URI1: variants seen among roughly 807,000 people sequenced by gnomAD.
URI1 encodes the protein unconventional prefoldin RPB5 interactor 1.
In URI1, 39 loss-of-function variants were observed where a neutral mutation model predicts 60.2. The observed-to-expected ratio is 0.65, with a 90% confidence interval of 0.50 to 0.85. URI1 has a LOEUF of 0.85. URI1 is among the 40% of genes least tolerant of loss of function. The pLI is 0.00. For missense variants in URI1, 691 were observed against 665.9 expected (o/e 1.04, Z -0.42); for synonymous variants, 251 against 236.8 (o/e 1.06, Z -0.55).
intron 2 of URI1, among the ~76,000 whole-genome samples, chr19:29,975,373 A>T (rs1460521334): frequency 1.3e-5 from 2 of 152,168 alleles, no homozygotes; most frequent in Admixed American, 6.5e-5. Flanking sequence ...TTAACTTTTT[A>T]AGATTTAAAT....
chr19:29,923,753 T>C lies in URI1; in HGVS notation c.62T>C (p.Leu21Ser), dbSNP rs749216097. ...TCTAAGAGGGCTCTGGCATATGCATTGGTGAGTTGAAGCTTGACAGTGTTA... is the reference window on the plus strand; with the variant it reads ...TCTAAGAGGGCTCTGGCATATGCATCGGTGAGTTGAAGCTTGACAGTGTTA... The change falls in exon 1 of 11, where the codon TTG becomes TCG. Residue 21 changes from leucine to serine, a missense_variant and splice_region_variant. Transcript: ENST00000360605. 3.9e-6 allele frequency: 6 copies of C among 1,536,624 alleles called. No individual in the cohort carries two copies. The South Asian group carries it at 7.1e-5, about 18-fold the overall frequency.
At chr19:30,012,558 T>C in intron 10 of URI1, 27 bp downstream of exon 10, 1 of 1,604,768 alleles carries the variant, frequency 6.2e-7, no homozygotes. Context: ...TTTAATTCTT[T>C]ATTTCATATA....
intron 1 of URI1, among the ~76,000 whole-genome samples, chr19:29,924,606 T>C (rs1478450305): frequency 1.3e-5 from 2 of 152,178 alleles, no homozygotes; most frequent in African/African-American, 4.8e-5. Context: ...AGCCAGGGGT[T>C]GAGCCCCAGG....
chr19:29,974,137 C>G lies in URI1; in HGVS notation c.152+2910C>G, dbSNP rs185318764. On this transcript the variant is annotated intron_variant, in intron 2 of 10. Coordinates refer to ENST00000392271, the MANE Select transcript of URI1 (RefSeq NM_003796.3). Reference sequence around the variant, plus strand: ...AGCGTTTTGACCTTGAACAATTATGCTCAGAGTCTCAGTTTTTTCTTGTAA... The same window carrying G: ...AGCGTTTTGACCTTGAACAATTATGGTCAGAGTCTCAGTTTTTTCTTGTAA... 3.1e-3 allele frequency among the ~76,000 whole-genome samples: 478 copies of G among 152,234 alleles called. 1 individual carries two copies. The highest frequency in any genetic ancestry group is 0.011 in the African/African-American group (465 of 41,550).
chr19:29,964,943 A>C (rs2055374231), intron 1 of URI1, among the ~76,000 whole-genome samples: 1 of 150,630 alleles, frequency 6.6e-6, no homozygotes, highest in Non-Finnish European at 1.5e-5. Context: ...TCTCCTCCTA[A>C]CCTGTGTGGC....
At chr19:29,954,436 T>C (rs927580802) in intron 1 of URI1, among the ~76,000 whole-genome samples, 3 of 151,760 alleles carry the variant, frequency 2.0e-5, no homozygotes, top group Non-Finnish European at 4.4e-5. Context: ...AAATCACAAC[T>C]AAATCAAAAG....
At chr19:29,974,661 A>T (rs2055499074) in intron 2 of URI1, among the ~76,000 whole-genome samples, 1 of 151,980 alleles carries the variant, frequency 6.6e-6, no homozygotes, top group Non-Finnish European at 1.5e-5. Flanking sequence ...CATGATGCTG[A>T]GATTTGAGGT....
At chr19:29,929,908 T>C (rs907310888) in intron 1 of URI1, among the ~76,000 whole-genome samples, 1 of 151,898 alleles carries the variant, frequency 6.6e-6, no homozygotes, top group African/African-American at 2.4e-5. Context: ...TCTCGTTCTG[T>C]GTGTTATCTT....
intron 2 of URI1, 75 bp downstream of exon 2, chr19:29,971,302 A>G: frequency 6.7e-7 from 1 of 1,487,004 alleles, no homozygotes. Context: ...TAATGTGTTT[A>G]CTGTTTGCGT....
At chr19:29,955,072 T>G in intron 1 of URI1, among the ~76,000 whole-genome samples, 1 of 151,974 alleles carries the variant, frequency 6.6e-6, no homozygotes. Flanking sequence ...CGGTGCATTC[T>G]CGGCTCCGCC....
chr19:30,013,736 T>A lies in URI1; in HGVS notation c.1426-1151T>A, dbSNP rs1015431167. 2.0e-5 allele frequency among the ~76,000 whole-genome samples: 3 copies of A among 152,152 alleles called. No individual in the cohort carries two copies. The South Asian group carries it at 6.2e-4, about 31-fold the overall frequency. On this transcript the variant is annotated intron_variant, in intron 10 of 10. Coordinates refer to ENST00000392271, the MANE Select transcript of URI1 (RefSeq NM_003796.3). ...ATATCCTTTTCAGTATCTTTTTAAA[T>A]GCTAAAATACCTCTTTTTCAAAGGC... is the stretch of plus-strand genomic sequence containing the variant.
chr19:29,985,413 G>A, intron 3 of URI1, 112 bp downstream of exon 3: 1 of 773,500 alleles, frequency 1.3e-6, no homozygotes, highest in Non-Finnish European at 2.0e-6. Context: ...TAACTATGTA[G>A]CAAGGAAGAT....
chr19:29,983,256 G>C (rs957917036), intron 2 of URI1: 1 of 152,198 alleles, frequency 6.6e-6, no homozygotes, highest in African/African-American at 2.4e-5. Context: ...ACCTCATCTT[G>C]ATAGAGGAGA....
intron 7 of URI1, among the ~76,000 whole-genome samples, chr19:30,008,712 T>G (rs1339016212): frequency 6.6e-6 from 1 of 152,122 alleles, no homozygotes; most frequent in East Asian, 1.9e-4. Context: ...ACAACTTTAT[T>G]ATTATTGATA....
intron 1 of URI1, among the ~76,000 whole-genome samples, chr19:29,943,964 C>T (rs2055064717): frequency 6.7e-6 from 1 of 150,232 alleles, no homozygotes; most frequent in South Asian, 2.1e-4. Flanking sequence ...GGGAGACCTC[C>T]GTCTATACAA....
At position 30,015,410 on chromosome 19, in the gene URI1, C is replaced by T. The variant is rs928343343; in HGVS notation, c.*341C>T. ...CTAAATACAGGCAGTTTTGTGCCAG[C>T]TGTGATATTGTGCATACCATATGGA... On this transcript the variant is annotated 3_prime_UTR_variant, in exon 11 of 11. Coordinates refer to ENST00000392271, the MANE Select transcript of URI1 (RefSeq NM_003796.3). 5 of 1,444,840 alleles carry T rather than the reference C, an allele frequency of 3.5e-6. No individual in the cohort carries two copies. The African/African-American group carries it at 7.2e-5, about 21-fold the overall frequency. 89.5% of individuals were successfully genotyped at this position (1,444,840 alleles called of 1,614,324 possible). A position where few individuals can be genotyped will look rare whatever the true frequency, so the allele number is the denominator to read the frequency against.
Position 30,009,070 on chromosome 19 carries a change from G to T in URI1, c.752G>T (p.Arg251Leu). Residue 251 changes from arginine to leucine, a missense_variant, in exon 8 of 11, where the codon CGT (arginine) becomes CTT (leucine). Coordinates refer to ENST00000392271, the MANE Select transcript of URI1 (RefSeq NM_003796.3). ...TCTTCTGAAGAGGAAAAGGAAGATC[G>T]TAACACAAATGTGAATGCGATGCAT... ...TTSSEEEKED[R>L]NTNVNAMHQV... 1 of 1,613,860 alleles carries T rather than the reference G, an allele frequency of 6.2e-7. No individual in the cohort carries two copies.
intron 1 of URI1, among the ~76,000 whole-genome samples, chr19:29,965,330 CATGTGA>C (rs1224459411): frequency 1.3e-5 from 2 of 152,056 alleles, no homozygotes; most frequent in African/African-American, 2.4e-5. Context: ...ACGAGGAAGG[CATGTGA>C]ATGGAGAAGA....
In URI1 at chr19:29,942,661, A is replaced by G. The variant is rs1373074481; in HGVS notation, c.114A>G (p.Glu38=). The change falls in exon 1 of 11, where the codon GAA becomes GAG. Residue 38 remains glutamate, a synonymous_variant. Coordinates refer to ENST00000392271, the MANE Select transcript of URI1 (RefSeq NM_003796.3). ...TGGCGCGGCTGCGCGAGGAGCAGGAAAAGGTAACTAGCAGCCCCGCGCCGC... is the reference window on the plus strand; with the variant it reads ...TGGCGCGGCTGCGCGAGGAGCAGGAGAAGGTAACTAGCAGCCCCGCGCCGC... ...PDVARLREEQ[E]KVVTNCQERI... 2.8e-6 allele frequency: 4 copies of G among 1,432,184 alleles called. No individual in the cohort carries two copies. The highest frequency in any genetic ancestry group is 1.5e-5 in the African/African-American group (1 of 67,720). The allele number at this position is 1,432,184 out of a possible 1,614,324, so 88.7% of individuals were successfully genotyped here.
Sources: gnomAD v4.1 joint callset for allele counts (sites outside exome capture counted in the v4.1 genomes callset) on GRCh38, gnomAD v4.1.1 for gene constraint, MANE v1.5 for transcripts, NCBI Gene and HGNC (gene_info 2026-07-23, HGNC 2026-07-21) for gene names.